ZNF124: variants seen among roughly 807,000 people sequenced by gnomAD.
ZNF124 encodes zinc finger protein HZF-16.
Under a neutral mutation model 26.6 loss-of-function variants are expected in ZNF124, and 25 were observed. That is an observed-to-expected ratio of 0.94 (90% CI 0.68 to 1.31). The LOEUF is 1.31. Among genes scored for constraint, ZNF124 ranks in the 40% most tolerant of loss-of-function variants. The probability of loss-of-function intolerance (pLI) is 0.00; values close to 1 mark genes in which losing one functional copy is unlikely to be tolerated. For synonymous variants in ZNF124, 129 were observed against 133.3 expected (o/e 0.97, Z 0.22); for missense variants, 444 against 422.2 (o/e 1.05, Z -0.45).
At chr1:247,126,442 G>T (rs962818467) in intron 3 of ZNF124, among the ~76,000 whole-genome samples, 1 of 21,914 alleles carries the variant, frequency 4.6e-5, no homozygotes, top group Non-Finnish European at 9.7e-5. Context: ...TGTCTCTCGT[G>T]CCCGCACGTG....
chr1:247,133,453 ACTC>A (rs1672414795), intron 3 of ZNF124, among the ~76,000 whole-genome samples: 1 of 151,902 alleles, frequency 6.6e-6, no homozygotes, highest in Admixed American at 6.6e-5. Context: ...CCATTAAGAT[ACTC>A]CTCAAGAAGA....
intron 3 of ZNF124, among the ~76,000 whole-genome samples, chr1:247,125,968 T>C (rs1672208552): frequency 7.6e-6 from 1 of 131,978 alleles, no homozygotes; most frequent in African/African-American, 3.2e-5. Flanking sequence ...TATAAAATTC[T>C]AGAAAATGTA....
intron 3 of ZNF124, among the ~76,000 whole-genome samples, chr1:247,146,113 G>A (rs567279814): frequency 6.6e-5 from 10 of 152,316 alleles, no homozygotes; most frequent in East Asian, 3.9e-4. Flanking sequence ...CTCAGGTTCC[G>A]CATGGCTGAC....
chr1:247,130,494 A>T (rs2103099602), intron 3 of ZNF124, among the ~76,000 whole-genome samples: 1 of 152,368 alleles, frequency 6.6e-6, no homozygotes, highest in Non-Finnish European at 1.5e-5. Flanking sequence ...ATTCTGTGAC[A>T]GTGGATGACT....
At chr1:247,126,080 G>C (rs938769762) in intron 3 of ZNF124, among the ~76,000 whole-genome samples, 1 of 152,088 alleles carries the variant, frequency 6.6e-6, no homozygotes, top group East Asian at 1.9e-4. Context: ...TGACCAACAT[G>C]GTGAAACCCG....
At chr1:247,163,323 A>ACAGAG (rs374751236) in intron 1 of ZNF124, among the ~76,000 whole-genome samples, 4 of 149,210 alleles carry the variant, frequency 2.7e-5, no homozygotes, top group Non-Finnish European at 4.4e-5. Flanking sequence ...AGAGAGAGAG[A>ACAGAG]AAAAAAAGCA....
rs1162132868 is a variant in ZNF124, at chr1:247,164,034, C to CA, written c.31-4222dup. On this transcript the variant is annotated intron_variant, in intron 1 of 3. Coordinates refer to ENST00000543802, the MANE Select transcript of ZNF124 (RefSeq NM_001297568.2). ...TTCACAACATAAACAAAACTAAAAA[C>CA]AAAAAAACAACATGATCATCTCAAT... Among the ~76,000 whole-genome samples the CA allele has an allele frequency of 4.6e-5, 7 of 151,648 alleles. No homozygotes were observed. In the East Asian group the frequency reaches 1.2e-3, roughly 25 times the overall value.
At chr1:247,162,827 C>T (rs555336621) in intron 1 of ZNF124, among the ~76,000 whole-genome samples, 6 of 152,200 alleles carry the variant, frequency 3.9e-5, no homozygotes, top group South Asian at 2.1e-4. Flanking sequence ...GACTTAACCA[C>T]AGAGTTAACA....
At chr1:247,162,403 A>C (rs778730257) in intron 1 of ZNF124, among the ~76,000 whole-genome samples, 2 of 152,122 alleles carry the variant, frequency 1.3e-5, no homozygotes, top group Non-Finnish European at 2.9e-5. Flanking sequence ...CAAAGTAAAG[A>C]GATAGAGAAA....
At chr1:247,150,890 C>G (rs1572074433), downstream of ZNF124, among the ~76,000 whole-genome samples, 1 of 112,270 alleles carries the variant, frequency 8.9e-6, no homozygotes, top group Non-Finnish European at 1.8e-5. Context: ...GGAAAAATAA[C>G]AAATAAAATT....
intron 3 of ZNF124, among the ~76,000 whole-genome samples, chr1:247,140,488 G>GT (rs1672599435): frequency 6.6e-6 from 1 of 152,202 alleles, no homozygotes; most frequent in Admixed American, 6.5e-5. Flanking sequence ...CTCAGCCTGA[G>GT]TAAGAACCCT....
chr1:247,166,550 C>T (rs1050601241), intron 1 of ZNF124, among the ~76,000 whole-genome samples: 2 of 152,060 alleles, frequency 1.3e-5, no homozygotes, highest in Non-Finnish European at 2.9e-5. Context: ...TAAACATTTA[C>T]AAAATAAGCA....
In ZNF124 at chr1:247,159,034, G is replaced by T. The variant is rs1673324413; in HGVS notation, c.190C>A (p.Gln64Lys). Reference sequence around the variant, plus strand: ...AGATTTCTTGAAGAATTTTTGTACTGATCTTCAATGCTCTGGTCTTCCCCT... The same window carrying T: ...AGATTTCTTGAAGAATTTTTGTACTTATCTTCAATGCTCTGGTCTTCCCCT... ...NKGEDQSIED[Q>K]YKNSSRNLRH... Residue 64 changes from glutamine to lysine, a missense_variant, in exon 3 of 4, where the codon CAG becomes AAG. By Grantham distance (53) the Gln-to-Lys change is moderately conservative. Coordinates refer to ENST00000543802, the MANE Select transcript of ZNF124 (RefSeq NM_001297568.2). 1.9e-6 allele frequency: 3 copies of T among 1,613,124 alleles called. No homozygotes were observed. Among genetic ancestry groups the T allele is most frequent in the Admixed American group, 1.7e-5 (1 of 59,784 alleles).
At chr1:247,152,100 CAATATTTA>C (rs375380407), downstream of ZNF124, among the ~76,000 whole-genome samples, 3 of 149,150 alleles carry the variant, frequency 2.0e-5, no homozygotes, top group African/African-American at 7.3e-5. Flanking sequence ...AAACTGTCCC[CAATATTTA>C]AAACTATATG....
intron 1 of ZNF124, among the ~76,000 whole-genome samples, chr1:247,164,454 C>A (rs866735940): frequency 6.6e-6 from 1 of 152,020 alleles, no homozygotes; most frequent in Admixed American, 6.6e-5. Context: ...TTTCTATACA[C>A]GAATAATATC....
At chr1:247,160,077 G>C (rs916459094) in intron 1 of ZNF124, among the ~76,000 whole-genome samples, 1 of 142,304 alleles carries the variant, frequency 7.0e-6, no homozygotes, top group Non-Finnish European at 1.5e-5. Context: ...TCTTCGCCTC[G>C]CAGGCTCAAG....
intron 3 of ZNF124, chr1:247,138,597 A>C: frequency 5.1e-6 from 2 of 393,924 alleles, no homozygotes; most frequent in Non-Finnish European, 9.0e-6. Flanking sequence ...TTTTAGAAGA[A>C]ATAAAACATA....
chr1:247,151,012 A>C (rs1259728412), downstream of ZNF124, among the ~76,000 whole-genome samples: 1 of 152,136 alleles, frequency 6.6e-6, no homozygotes, highest in Non-Finnish European at 1.5e-5. Context: ...TAAATCAAGA[A>C]GAAAAAGAGC....
rs1032714912 is a variant in ZNF124, at chr1:247,156,627, G to A, written c.995C>T (p.Thr332Ile). The A allele has an allele frequency of 3.8e-6, 6 of 1,598,366 alleles. No homozygotes were observed. The highest frequency in any genetic ancestry group is 5.1e-6 in the Non-Finnish European group (6 of 1,175,054). Residue 332 changes from threonine (T) to isoleucine (I), a missense_variant, in exon 4 of 4, where the codon ACC (threonine) becomes ATC (isoleucine). Transcript: ENST00000543802. The part of the protein sequence containing the change: ...KCGKAFSRAS[T>I]LWKHKKTHTG... ...ATGAGTTTTTTTATGCTTCCAAAGG[G>A]TACTAGCACGACTAAAGGCTTTGCC...
Sources: gnomAD v4.1 joint callset for allele counts (sites outside exome capture counted in the v4.1 genomes callset) on GRCh38, gnomAD v4.1.1 for gene constraint, MANE v1.5 for transcripts, NCBI Gene and HGNC (gene_info 2026-07-23, HGNC 2026-07-21) for gene names.